The following PIK3C3 variants were observed in gnomAD, a reference collection of about 807,000 sequenced individuals.
The protein encoded by PIK3C3 is phosphatidylinositol 3-kinase catalytic subunit type 3.
PIK3C3 carries 95 observed loss-of-function variants against 126.1 expected under a neutral mutation model. The ratio of observed to expected loss-of-function variants is 0.75; its 90% CI spans 0.64 to 0.89. PIK3C3 has a LOEUF of 0.89. PIK3C3 is among the 40% of genes least tolerant of loss of function. The pLI, the probability that PIK3C3 is intolerant of heterozygous loss-of-function variation, is 0.00. For synonymous variants in PIK3C3, 374 were observed against 360.0 expected, an observed-to-expected ratio of 1.04 and a Z score of -0.44; for missense variants, 829 against 1,063.2, an observed-to-expected ratio of 0.78 and a Z score of 3.06.
rs1986422650 is a variant in PIK3C3, at chr18:42,087,510, A to G, written c.*6373A>G. 2 of 152,172 alleles carry G rather than the reference A, an allele frequency of 1.3e-5. No individual in the cohort carries two copies. The highest frequency in any genetic ancestry group is 2.1e-4 in the South Asian group (1 of 4,826). The allele number at this position is 152,172 out of a possible 1,614,324, so 9.4% of individuals were successfully genotyped here. A position where few individuals can be genotyped will look rare whatever the true frequency, so the allele number is the denominator to read the frequency against. On this transcript the variant is annotated 3_prime_UTR_variant, in exon 25 of 25. Coordinates refer to ENST00000262039, the MANE Select transcript of PIK3C3 (RefSeq NM_002647.4). ...TGTCTAGTCCTTAGTTTCTGCTGGC[A>G]TTCACCCATGCAAGCTGCCAGCTTG...
intron 21 of PIK3C3, among the ~76,000 whole-genome samples, chr18:42,056,343 T>C (rs1005670129): frequency 1.3e-5 from 2 of 152,126 alleles, no homozygotes; most frequent in African/African-American, 2.4e-5. Context: ...GATAGAAATA[T>C]ACTCTTCGTT....
intron 3 of PIK3C3, among the ~76,000 whole-genome samples, chr18:41,964,194 A>G (rs138922346): frequency 6.6e-6 from 1 of 152,244 alleles, no homozygotes; most frequent in African/African-American, 2.4e-5. Context: ...AATGGTTTGA[A>G]TATTTGTCCC....
chr18:41,970,677 CTA>C (rs1038301313), intron 4 of PIK3C3: 14 of 599,460 alleles, frequency 2.3e-5, no homozygotes, highest in Admixed American at 2.1e-4. Flanking sequence ...ATCATCACCA[CTA>C]TATAATTTTA....
At chr18:42,033,549 CT>C (rs1268676166) in intron 15 of PIK3C3, among the ~76,000 whole-genome samples, 2 of 152,156 alleles carry the variant, frequency 1.3e-5, no homozygotes. Flanking sequence ...ATTCCTGATT[CT>C]TTGTCAGCTT....
chr18:42,046,263 A>G (rs1343680308), intron 20 of PIK3C3, among the ~76,000 whole-genome samples: 5 of 152,144 alleles, frequency 3.3e-5, no homozygotes, highest in Non-Finnish European at 5.9e-5. Flanking sequence ...CTGTATGACA[A>G]AATAATCTGT....
At position 42,029,146 on chromosome 18, in the gene PIK3C3, G is replaced by T. The variant is rs571812737; in HGVS notation, c.1591-179G>T. ...ATTTTCGATTGTGGATGGATTAGTG[G>T]TGTTTAACTAAGATAAGAGGTTTCT... On this transcript the variant is annotated intron_variant, in intron 14 of 24. Transcript: ENST00000262039. 8.0e-4 allele frequency among the ~76,000 whole-genome samples: 122 copies of T among 152,302 alleles called. 1 individual carries two copies. Among genetic ancestry groups the T allele is most frequent in the Non-Finnish European group, 1.6e-3 (108 of 68,034 alleles).
At chr18:42,057,290 C>A (rs1473189888) in intron 21 of PIK3C3, among the ~76,000 whole-genome samples, 1 of 142,888 alleles carries the variant, frequency 7.0e-6, no homozygotes, top group Non-Finnish European at 1.5e-5. Flanking sequence ...TCTTACTATA[C>A]AATGAAAACA....
chr18:41,982,416 A>G (rs1981252352), intron 4 of PIK3C3, among the ~76,000 whole-genome samples: 2 of 152,186 alleles, frequency 1.3e-5, no homozygotes, highest in South Asian at 4.1e-4. Context: ...AATCAAGTTT[A>G]TACTTGGATT....
intron 16 of PIK3C3, 22 bp downstream of exon 16, chr18:42,033,979 T>C: frequency 6.5e-7 from 1 of 1,527,546 alleles, no homozygotes; most frequent in Non-Finnish European, 8.9e-7. Flanking sequence ...GGATATTTAA[T>C]GTGTATGATT....
chr18:42,013,015 A>T (rs925015883), intron 10 of PIK3C3, among the ~76,000 whole-genome samples: 1 of 152,118 alleles, frequency 6.6e-6, no homozygotes, highest in African/African-American at 2.4e-5. Flanking sequence ...TTTCTTGTGT[A>T]ATATTAAACA....
At chr18:42,043,033 A>G (rs1364078830) in intron 19 of PIK3C3, among the ~76,000 whole-genome samples, 1 of 151,872 alleles carries the variant, frequency 6.6e-6, no homozygotes, top group Non-Finnish European at 1.5e-5. Flanking sequence ...TTTTAAATAT[A>G]TATTCCAGAT....
intron 3 of PIK3C3, 143 bp downstream of exon 3, chr18:41,962,775 A>G (rs1239249012): frequency 2.1e-5 from 12 of 563,522 alleles, no homozygotes; most frequent in Non-Finnish European, 3.5e-5. Context: ...CATTCCTTAC[A>G]CTGATTTTAA....
chr18:41,996,767 C>A, intron 9 of PIK3C3, 37 bp downstream of exon 9: 1 of 1,004,670 alleles, frequency 1.0e-6, no homozygotes, highest in Non-Finnish European at 1.5e-6. Flanking sequence ...TCAAATTTAT[C>A]TACCAACTTT....
intron 22 of PIK3C3, among the ~76,000 whole-genome samples, chr18:42,058,744 G>C (rs942008765): frequency 6.6e-6 from 1 of 152,240 alleles, no homozygotes; most frequent in East Asian, 1.9e-4. Context: ...ATGTCATCAG[G>C]AAGAAAAATA....
intron 9 of PIK3C3, among the ~76,000 whole-genome samples, chr18:41,997,285 G>C (rs1186399823): frequency 6.6e-6 from 1 of 152,078 alleles, no homozygotes; most frequent in Non-Finnish European, 1.5e-5. Flanking sequence ...TCAGTTGGTG[G>C]AGTAGCATAC....
At chr18:42,075,979 A>G (rs1985956127) in intron 24 of PIK3C3, among the ~76,000 whole-genome samples, 2 of 148,910 alleles carry the variant, frequency 1.3e-5, no homozygotes, top group South Asian at 2.1e-4. Flanking sequence ...CAGTTCTTCC[A>G]TCAGTACTGA....
At chr18:41,987,919 ATTTTAAAATATTTTCTGTAAAT>A in intron 5 of PIK3C3, 21 bp downstream of exon 5, 5 of 1,318,180 alleles carry the variant, frequency 3.8e-6, no homozygotes, top group Non-Finnish European at 5.3e-6. Context: ...TCACTCTTTT[ATTTTAAAATATTTTCTGTAAAT>A]TTTTAAATTA....
At chr18:42,028,684 A>ATT (rs1194451888) in intron 14 of PIK3C3, among the ~76,000 whole-genome samples, 1 of 152,184 alleles carries the variant, frequency 6.6e-6, no homozygotes, top group African/African-American at 2.4e-5. Flanking sequence ...CCTTGAAGAC[A>ATT]TTTCAGTTTC....
At chr18:41,999,656 A>T (rs759756852) in intron 9 of PIK3C3, among the ~76,000 whole-genome samples, 1 of 152,172 alleles carries the variant, frequency 6.6e-6, no homozygotes, top group Non-Finnish European at 1.5e-5. Flanking sequence ...TGGGGTAAGG[A>T]TATTTACACA....
Sources: gnomAD v4.1 joint callset for allele counts (sites outside exome capture counted in the v4.1 genomes callset) on GRCh38, gnomAD v4.1.1 for gene constraint, MANE v1.5 for transcripts, NCBI Gene and HGNC (gene_info 2026-07-23, HGNC 2026-07-21) for gene names.